ELP4: variants seen among roughly 807,000 people sequenced by gnomAD.
ELP4 encodes elongator complex protein 4.
ELP4 carries 51 observed loss-of-function variants against 48.9 expected under a neutral mutation model. The observed-to-expected ratio is 1.04, with a 90% confidence interval of 0.83 to 1.32. The LOEUF (loss-of-function observed/expected upper bound fraction) is 1.32, where lower values mean the gene tolerates loss of function less well. Among genes scored for constraint, ELP4 ranks in the 40% most tolerant of loss-of-function variants. ELP4 has a pLI of 0.00. For synonymous variants in ELP4, 210 were observed against 189.2 expected (o/e 1.11, Z -0.90); for missense variants, 519 against 514.6 (o/e 1.01, Z -0.08).
intron 9 of ELP4, among the ~76,000 whole-genome samples, chr11:31,677,828 CA>C (rs1241849946): frequency 2.0e-5 from 3 of 152,122 alleles, no homozygotes; most frequent in Non-Finnish European, 4.4e-5. Context: ...ATATTTGTTA[CA>C]ATTGGTGAGC....
chr11:31,620,928 G>A (rs183918027), intron 5 of ELP4, among the ~76,000 whole-genome samples: 1 of 151,958 alleles, frequency 6.6e-6, no homozygotes, highest in Non-Finnish European at 1.5e-5. Context: ...CATCCATGGT[G>A]AAGATAATCA....
At chr11:31,511,383 CA>C (rs1281079045) in intron 1 of ELP4, 1 of 151,998 alleles carries the variant, frequency 6.6e-6, no homozygotes, top group Non-Finnish European at 1.5e-5. Context: ...ACTTTCCAAA[CA>C]AAAAGGTTAT....
At position 31,545,354 on chromosome 11, in the gene ELP4, C is replaced by A. The variant is rs563984087; in HGVS notation, c.381+5571C>A. 2.6e-5 allele frequency among the ~76,000 whole-genome samples: 4 copies of A among 152,068 alleles called. No homozygotes were observed. The East Asian group carries it at 7.7e-4, about 29-fold the overall frequency. ...TGAAGAATGCAGAAGCCTCAGTAGC[C>A]GATGCGATCAACTGGAAGAAAGGGT... is the stretch of plus-strand genomic sequence containing the variant. On this transcript the variant is annotated intron_variant, in intron 3 of 9. Coordinates refer to ENST00000640961, the MANE Select transcript of ELP4 (RefSeq NM_019040.5).
chr11:31,746,711 G>A (rs181927677), intron 9 of ELP4, among the ~76,000 whole-genome samples: 16 of 152,126 alleles, frequency 1.1e-4, no homozygotes, highest in African/African-American at 3.9e-4. Context: ...ACACAGGAAG[G>A]GGAACATCAC....
chr11:31,729,123 G>A (rs948969285), intron 9 of ELP4, among the ~76,000 whole-genome samples: 1 of 152,170 alleles, frequency 6.6e-6, no homozygotes, highest in South Asian at 2.1e-4. Context: ...TAGTGAAACA[G>A]AATATTGTAA....
At chr11:31,744,945 A>C (rs1001285782) in intron 9 of ELP4, among the ~76,000 whole-genome samples, 41 of 152,338 alleles carry the variant, frequency 2.7e-4, no homozygotes, top group Admixed American at 2.2e-3. Flanking sequence ...AGAGGAAGTC[A>C]AATTGTCCCT....
intron 9 of ELP4, among the ~76,000 whole-genome samples, chr11:31,778,603 C>A (rs1948298127): frequency 1.3e-5 from 2 of 152,272 alleles, no homozygotes; most frequent in South Asian, 4.1e-4. Flanking sequence ...ACTTACACAT[C>A]TCATTTTATT....
At chr11:31,774,639 G>A (rs914710686) in intron 9 of ELP4, among the ~76,000 whole-genome samples, 3 of 152,144 alleles carry the variant, frequency 2.0e-5, no homozygotes, top group Non-Finnish European at 4.4e-5. Flanking sequence ...CTCTGATTAG[G>A]AGGGAGGAAA....
In ELP4 at chr11:31,789,757, G is replaced by A; in HGVS notation, c.*6233G>A. On this transcript the variant is annotated 3_prime_UTR_variant, in exon 10 of 10. Coordinates refer to ENST00000640961, the MANE Select transcript of ELP4 (RefSeq NM_019040.5). ...TGATATCGTGCCTTCTGTATACAAA[G>A]GTCCTTGTTTCAAGTCCATTCCTTC... is the stretch of plus-strand genomic sequence containing the variant. The A allele has an allele frequency of 4.2e-6, 3 of 714,938 alleles. No individual in the cohort carries two copies. Among genetic ancestry groups the A allele is most frequent in the Non-Finnish European group, 2.6e-6 (1 of 391,228 alleles). The allele number at this position is 714,938 out of a possible 1,614,324, so 44.3% of individuals were successfully genotyped here.
intron 6 of ELP4, among the ~76,000 whole-genome samples, chr11:31,628,899 C>T (rs1944802580): frequency 6.6e-6 from 1 of 151,978 alleles, no homozygotes; most frequent in South Asian, 2.1e-4. Flanking sequence ...TAAGGCACTA[C>T]TTCAAAAAAT....
intron 9 of ELP4, among the ~76,000 whole-genome samples, chr11:31,746,367 A>T (rs1452016158): frequency 6.6e-6 from 1 of 152,220 alleles, no homozygotes; most frequent in African/African-American, 2.4e-5. Context: ...ATACCATTTG[A>T]CCCAGCCATC....
chr11:31,693,957 C>G (rs1156340124), intron 9 of ELP4, among the ~76,000 whole-genome samples: 1 of 152,164 alleles, frequency 6.6e-6, no homozygotes, highest in African/African-American at 2.4e-5. Flanking sequence ...GCATAAGTGT[C>G]TTCTTTTGAG....
At chr11:31,553,175 G>A (rs747960777) in intron 3 of ELP4, among the ~76,000 whole-genome samples, 8 of 152,060 alleles carry the variant, frequency 5.3e-5, no homozygotes, top group Non-Finnish European at 1.0e-4. Context: ...TTCCGTACAA[G>A]TCTTTTCTGT....
intron 3 of ELP4, among the ~76,000 whole-genome samples, chr11:31,571,478 A>G (rs541339485): frequency 2.0e-5 from 3 of 152,130 alleles, no homozygotes; most frequent in Non-Finnish European, 4.4e-5. Flanking sequence ...ATTGGAATCA[A>G]CTTCTCCCAA....
At chr11:31,766,829 T>C (rs2134262470) in intron 9 of ELP4, among the ~76,000 whole-genome samples, 1 of 152,254 alleles carries the variant, frequency 6.6e-6, no homozygotes, top group African/African-American at 2.4e-5. Context: ...GTTTGATGTA[T>C]TTGCTTAAAC....
chr11:31,553,146 T>C (rs1208334596), intron 3 of ELP4, among the ~76,000 whole-genome samples: 1 of 152,206 alleles, frequency 6.6e-6, no homozygotes, highest in African/African-American at 2.4e-5. Flanking sequence ...TTTACTTCTG[T>C]ATTAGTTCAT....
In ELP4 at chr11:31,647,811, C is replaced by T. The variant is rs1468388224; in HGVS notation, c.998C>T (p.Ser333Phe). Residue 333 changes from serine to phenylalanine, a missense_variant, in exon 8 of 10, where the codon TCT becomes TTT. By Grantham distance (155) the Ser-to-Phe change is radical (BLOSUM62 -2). Coordinates refer to ENST00000640961, the MANE Select transcript of ELP4 (RefSeq NM_019040.5). ...VVVGLESFIG[S>F]ERETNPLYKD... ...GTTGGTCTGGAATCATTTATTGGTT[C>T]TGAGAGAGAAACTAACCCATTGTAT... 1.2e-6 allele frequency: 2 copies of T among 1,608,434 alleles called. No homozygotes were observed. The highest frequency in any genetic ancestry group is 2.2e-5 in the East Asian group (1 of 44,710).
At chr11:31,532,802 G>A (rs925599175) in intron 2 of ELP4, among the ~76,000 whole-genome samples, 1 of 64,402 alleles carries the variant, frequency 1.6e-5, no homozygotes, top group South Asian at 5.0e-4. Context: ...ATGGAGTTTT[G>A]CTCTCGTTGC....
chr11:31,684,271 A>G (rs774068885), intron 9 of ELP4, among the ~76,000 whole-genome samples: 6 of 151,938 alleles, frequency 3.9e-5, no homozygotes, highest in African/African-American at 7.2e-5. Context: ...CAGTGGATCA[A>G]TCTTGGCTCA....
Sources: allele counts gnomAD v4.1 joint callset (sites outside exome capture counted in the v4.1 genomes callset), GRCh38; gene constraint gnomAD v4.1.1; transcripts MANE v1.5; gene names NCBI Gene and HGNC (gene_info 2026-07-23, HGNC 2026-07-21).